RANBP2: variants seen among roughly 807,000 people sequenced by gnomAD.
RANBP2 encodes RAN binding protein 2.
In RANBP2, 57 loss-of-function variants were observed where a neutral mutation model predicts 303.6. That is an observed-to-expected ratio of 0.19 (90% CI 0.15 to 0.23). The LOEUF (loss-of-function observed/expected upper bound fraction) is 0.23, where lower values mean the gene tolerates loss of function less well. Among genes scored for constraint, RANBP2 ranks in the 10% least tolerant of loss-of-function variants. The pLI is 1.00. For synonymous variants in RANBP2, 1,167 were observed against 1,301.5 expected, an observed-to-expected ratio of 0.90 and a Z score of 2.23; for missense variants, 3,138 against 3,780.8, an observed-to-expected ratio of 0.83 and a Z score of 4.46.
chr2:109,386,601 T>C, the RANBP2 span, among the ~76,000 whole-genome samples: 2 of 152,168 alleles, frequency 1.3e-5, no homozygotes, highest in Admixed American at 6.5e-5. Flanking sequence ...TCTGCTTCCC[T>C]TCTGTTTGGG....
At chr2:109,479,993 C>T in the RANBP2 span, among the ~76,000 whole-genome samples, 3 of 152,252 alleles carry the variant, frequency 2.0e-5, no homozygotes, top group Non-Finnish European at 4.4e-5. Flanking sequence ...CCTGAGGCCA[C>T]GCGTCATCAC....
the RANBP2 span, among the ~76,000 whole-genome samples, chr2:109,467,173 G>A: frequency 6.6e-6 from 1 of 152,236 alleles, no homozygotes; most frequent in African/African-American, 2.4e-5. Flanking sequence ...CCTACACAAA[G>A]GCTCCTGCAT....
the RANBP2 span, among the ~76,000 whole-genome samples, chr2:108,866,710 C>T: frequency 1.3e-5 from 2 of 152,112 alleles, no homozygotes; most frequent in African/African-American, 2.4e-5. Flanking sequence ...TAGTGAAACC[C>T]CGTCTCTACT....
At chr2:108,788,018 C>CTTTT, downstream of RANBP2, 1 of 1,259,960 alleles carries the variant, frequency 7.9e-7, no homozygotes, top group South Asian at 1.4e-5. Flanking sequence ...TAAATCTTTT[C>CTTTT]TTTTTTTTTT....
the RANBP2 span, among the ~76,000 whole-genome samples, chr2:109,259,683 C>T: frequency 2.6e-5 from 4 of 152,250 alleles, no homozygotes; most frequent in Admixed American, 6.5e-5. Context: ...CTTGCTCTCA[C>T]GGCCTACGGA....
At chr2:108,721,063 CAAA>C (rs765057254) in intron 1 of RANBP2, among the ~76,000 whole-genome samples, 4 of 151,464 alleles carry the variant, frequency 2.6e-5, no homozygotes, top group Admixed American at 2.0e-4. Context: ...AAAACAAAAA[CAAA>C]AAAAACCCGG....
At chr2:109,555,872 TG>T in the RANBP2 span, among the ~76,000 whole-genome samples, 3 of 152,184 alleles carry the variant, frequency 2.0e-5, no homozygotes, top group African/African-American at 4.8e-5. Context: ...TTTTCATTTC[TG>T]TGTTCATCCT....
chr2:108,806,727 A>C, the RANBP2 span, among the ~76,000 whole-genome samples: 6 of 152,234 alleles, frequency 3.9e-5, no homozygotes, highest in African/African-American at 1.4e-4. Context: ...TGTACTTTGA[A>C]ATTGCTGAAG....
At chr2:109,623,945 AG>A in the RANBP2 span, among the ~76,000 whole-genome samples, 1 of 152,204 alleles carries the variant, frequency 6.6e-6, no homozygotes, top group Non-Finnish European at 1.5e-5. Flanking sequence ...GGCAAAACAC[AG>A]GGGTCTTCCC....
the RANBP2 span, among the ~76,000 whole-genome samples, chr2:109,264,780 G>T: frequency 0.31 from 47,646 of 152,198 alleles, 8,446 homozygotes; most frequent in Non-Finnish European, 0.4. Flanking sequence ...TCTGAGGGCC[G>T]TGGAGTCTGG....
chr2:109,292,291 A>G, the RANBP2 span, among the ~76,000 whole-genome samples: 1 of 152,262 alleles, frequency 6.6e-6, no homozygotes, highest in African/African-American at 2.4e-5. Flanking sequence ...CCTTTTCAGA[A>G]TCCAGAGAGT....
chr2:109,151,135 C>G, the RANBP2 span, among the ~76,000 whole-genome samples: 1 of 152,172 alleles, frequency 6.6e-6, no homozygotes, highest in Non-Finnish European at 1.5e-5. Flanking sequence ...TCCTTGGGTT[C>G]TTGCTTATAT....
the RANBP2 span, among the ~76,000 whole-genome samples, chr2:109,012,346 C>T: frequency 5.9e-5 from 9 of 152,158 alleles, no homozygotes; most frequent in South Asian, 4.1e-4. Context: ...ACATTCCTAC[C>T]GCCCCTGATT....
chr2:109,526,206 C>T, the RANBP2 span, among the ~76,000 whole-genome samples: 11 of 152,202 alleles, frequency 7.2e-5, no homozygotes, highest in African/African-American at 2.7e-4. Context: ...ACCTCAAATT[C>T]GAGGCACAGG....
At chr2:108,781,146 T>G (rs1678227720) in intron 25 of RANBP2, 123 bp from the exon 26 acceptor site, 1 of 1,057,586 alleles carries the variant, frequency 9.5e-7, no homozygotes, top group African/African-American at 1.6e-5. Context: ...AATATAATTT[T>G]AAACATTTAA....
At chr2:109,725,904 T>C in the RANBP2 span, among the ~76,000 whole-genome samples, 1 of 151,968 alleles carries the variant, frequency 6.6e-6, no homozygotes, top group Non-Finnish European at 1.5e-5. Flanking sequence ...GGCTAATTTT[T>C]GTATTTTTAG....
chr2:109,700,869 G>A, the RANBP2 span, among the ~76,000 whole-genome samples: 1 of 152,052 alleles, frequency 6.6e-6, no homozygotes, highest in Admixed American at 6.6e-5. Flanking sequence ...CTTCTCCCCC[G>A]AAGGACATGG....
At chr2:109,204,776 A>G in the RANBP2 span, among the ~76,000 whole-genome samples, 89 of 152,292 alleles carry the variant, frequency 5.8e-4, no homozygotes, top group African/African-American at 2.1e-3. Flanking sequence ...CCTGCATTCT[A>G]GATTTATTGG....
At chr2:109,373,050 G>C in the RANBP2 span, among the ~76,000 whole-genome samples, 1 of 152,058 alleles carries the variant, frequency 6.6e-6, no homozygotes, top group Admixed American at 6.6e-5. Flanking sequence ...GGGACCAGTG[G>C]TTCTCGCACA....
Sources: allele counts gnomAD v4.1 joint callset (sites outside exome capture counted in the v4.1 genomes callset), GRCh38; gene constraint gnomAD v4.1.1; transcripts MANE v1.5; gene names NCBI Gene and HGNC (gene_info 2026-07-23, HGNC 2026-07-21).